CHD3: variants seen among roughly 807,000 people sequenced by gnomAD.
The protein encoded by CHD3 is chromodomain helicase DNA binding protein 3.
In CHD3, 52 loss-of-function variants were observed where a neutral mutation model predicts 248.9. The ratio of observed to expected loss-of-function variants is 0.21; its 90% CI spans 0.17 to 0.26. The LOEUF is 0.26. CHD3 is among the 10% of genes least tolerant of loss of function. CHD3 has a pLI of 1.00. For synonymous variants in CHD3, 985 were observed against 985.2 expected (o/e 1.00, Z 0.00); for missense variants, 1,482 against 2,605.8 (o/e 0.57, Z 9.39).
chr17:7,892,022 T>C (rs540122604), intron 4 of CHD3, among the ~76,000 whole-genome samples: 1 of 152,318 alleles, frequency 6.6e-6, no homozygotes, highest in African/African-American at 2.4e-5. Context: ...TCCTCTTCTA[T>C]AAACGGGGAA....
chr17:7,893,641 T>G, intron 5 of CHD3, 72 bp downstream of exon 5: 2 of 1,528,500 alleles, frequency 1.3e-6, no homozygotes, highest in Non-Finnish European at 1.8e-6. Context: ...AGTCTGGAAC[T>G]CTCGCCTTCC....
In CHD3 at chr17:7,909,127, A is replaced by C; in HGVS notation, c.5395-16A>C. The C allele has an allele frequency of 6.4e-7, 1 of 1,552,438 alleles. No individual in the cohort carries two copies. Among genetic ancestry groups the C allele is most frequent in the Non-Finnish European group, 8.7e-7 (1 of 1,148,534 alleles). ...TGGCAGAGCCCTACCTTCACCTCCC[A>C]ACTCTGTGCCCTCAGCTCCTGGAGC... On this transcript the variant is annotated splice_polypyrimidine_tract_variant and intron_variant, in intron 36 of 39. Transcript: ENST00000330494. The surrounding 1 kb of genome is among the most constrained non-coding windows in gnomAD (Gnocchi z 8.1).
rs1970561899 is a variant in CHD3 at position 7,903,606 on chromosome 17, G to A, written c.3727+103G>A. 5 of 1,098,444 alleles carry A rather than the reference G, an allele frequency of 4.6e-6. No individual in the cohort carries two copies. Among genetic ancestry groups the A allele is most frequent in the South Asian group, 1.6e-5 (1 of 63,872 alleles). 68.0% of individuals were successfully genotyped at this position (1,098,444 alleles called of 1,614,324 possible). A position where few individuals can be genotyped will look rare whatever the true frequency, so the allele number is the denominator to read the frequency against. Reference sequence around the variant, plus strand: ...AAAACAACTCTTCTCTGCAGCCTTTGAAGGAAGGAGAGCCTTCTTTTAGTA... The same window carrying A: ...AAAACAACTCTTCTCTGCAGCCTTTAAAGGAAGGAGAGCCTTCTTTTAGTA... On this transcript the variant is annotated intron_variant, in intron 23 of 39. Transcript: ENST00000330494. This position sits in a 1 kb window ranked among gnomAD's most constrained non-coding sequence, Gnocchi z 6.8.
chr17:7,890,865 A>G, intron 3 of CHD3, 75 bp from the exon 4 acceptor site: 3 of 1,599,492 alleles, frequency 1.9e-6, no homozygotes, highest in Non-Finnish European at 2.6e-6. Context: ...GCTAGTGGGT[A>G]GGTAGACAGG....
Position 7,895,425 on chromosome 17 carries a change from A to T in CHD3, c.1590A>T (p.Ala530=). Residue 530 remains alanine (A), a synonymous_variant, in exon 10 of 40, where the codon GCA becomes GCT. Transcript: ENST00000330494. This position sits in a 1 kb window ranked among gnomAD's most constrained non-coding sequence, Gnocchi z 4.9. The part of the protein sequence containing the change: ...PPVAVPAPQQ[A]DGNPDVPPPR... ...TAGCAGTGCCAGCCCCTCAACAGGCAGATGGAAATCCAGATGTCCCACCCC... is the reference window on the plus strand; with the variant it reads ...TAGCAGTGCCAGCCCCTCAACAGGCTGATGGAAATCCAGATGTCCCACCCC... The T allele has an allele frequency of 6.2e-7, 1 of 1,614,164 alleles. No individual in the cohort carries two copies. The highest frequency in any genetic ancestry group is 8.5e-7 in the Non-Finnish European group (1 of 1,180,020).
Position 7,906,436 on chromosome 17 carries a change from C to G in CHD3, c.4359-117C>G. 7 of 1,078,338 alleles carry G rather than the reference C, an allele frequency of 6.5e-6. No individual in the cohort carries two copies. Among genetic ancestry groups the G allele is most frequent in the Non-Finnish European group, 8.3e-6 (6 of 725,312 alleles). The allele number at this position is 1,078,338 out of a possible 1,614,324, so 66.8% of individuals were successfully genotyped here. A position where few individuals can be genotyped will look rare whatever the true frequency, so the allele number is the denominator to read the frequency against. On this transcript the variant is annotated intron_variant, in intron 28 of 39. Coordinates refer to ENST00000330494, the MANE Select transcript of CHD3 (RefSeq NM_001005273.3). The surrounding 1 kb of genome is among the most constrained non-coding windows in gnomAD (Gnocchi z 5.0). ...GAGTGAGAGGCCCAGGGGAGGAGCC[C>G]TGGAGCACCTGGGGATTTGGGGGTT...
At chr17:7,886,356 C>T (rs1357111322), upstream of CHD3, among the ~76,000 whole-genome samples, 2 of 152,222 alleles carry the variant, frequency 1.3e-5, no homozygotes, top group South Asian at 2.1e-4. This position sits in a 1 kb window ranked among gnomAD's most constrained non-coding sequence, Gnocchi z 4.2. Context: ...GTGTCCACAC[C>T]CCCTGCTTGG....
chr17:7,903,543 GCT>G lies in CHD3; in HGVS notation c.3727+46_3727+47del. The G allele has an allele frequency of 2.0e-6, 3 of 1,520,604 alleles. No individual in the cohort carries two copies. Among genetic ancestry groups the G allele is most frequent in the East Asian group, 2.3e-5 (1 of 42,566 alleles). 94.2% of individuals were successfully genotyped at this position (1,520,604 alleles called of 1,614,324 possible). ...TGCAGCTCTGTGAAAGCAGGCCCCT[GCT>G]CTCTCAGGAGTACTTATCAGCCCCC... On this transcript the variant is annotated intron_variant, in intron 23 of 39. Coordinates refer to ENST00000330494, the MANE Select transcript of CHD3 (RefSeq NM_001005273.3). This position sits in a 1 kb window ranked among gnomAD's most constrained non-coding sequence, Gnocchi z 6.8.
rs1447648825 is a variant in CHD3, at chr17:7,907,985, G to T, written c.5118G>T (p.Arg1706=). 6.2e-7 allele frequency: 1 copy of T among 1,610,776 alleles called. No individual in the cohort carries two copies. Among genetic ancestry groups the T allele is most frequent in the Non-Finnish European group, 8.5e-7 (1 of 1,177,492 alleles). Residue 1706 remains arginine, a synonymous_variant, in exon 34 of 40, where the codon CGG becomes CGT. Coordinates refer to ENST00000330494, the MANE Select transcript of CHD3 (RefSeq NM_001005273.3). The surrounding 1 kb of genome is among the most constrained non-coding windows in gnomAD (Gnocchi z 4.3). ...GRREEKTEKP[R]FMFNIADGGF... ...GAGAGGAAAAGACAGAGAAGCCCCG[G>T]TTCATGTTCAATATCGCCGATGGTG...
Position 7,908,821 on chromosome 17 carries a change from A to G in CHD3, c.5386A>G (p.Arg1796Gly). 6.2e-7 allele frequency: 1 copy of G among 1,614,076 alleles called. No homozygotes were observed. Among genetic ancestry groups the G allele is most frequent in the Non-Finnish European group, 8.5e-7 (1 of 1,179,990 alleles). The change falls in exon 36 of 40, where the codon AGG becomes GGG. Residue 1796 changes from arginine (R) to glycine (G), a missense_variant. By Grantham distance (125) the Arg-to-Gly change is moderately radical. Transcript: ENST00000330494. The surrounding 1 kb of genome is among the most constrained non-coding windows in gnomAD (Gnocchi z 5.8). ...LEMKNKFLAR[R>G]FKLLEQALVI... ...GATGAAAAATAAGTTCCTGGCCCGG[A>G]GGTTCAAGGTGGGAATGAGGGAGGA... is the stretch of plus-strand genomic sequence containing the variant.
chr17:7,903,536 G>C lies in CHD3; in HGVS notation c.3727+33G>C. The C allele has an allele frequency of 3.2e-6, 5 of 1,553,646 alleles. No individual in the cohort carries two copies. Among genetic ancestry groups the C allele is most frequent in the Non-Finnish European group, 4.4e-6 (5 of 1,134,952 alleles). On this transcript the variant is annotated intron_variant, in intron 23 of 39. Transcript: ENST00000330494. The surrounding 1 kb of genome is among the most constrained non-coding windows in gnomAD (Gnocchi z 6.8). ...CCTTTTCTGCAGCTCTGTGAAAGCAGGCCCCTGCTCTCTCAGGAGTACTTA... is the reference window on the plus strand; with the variant it reads ...CCTTTTCTGCAGCTCTGTGAAAGCACGCCCCTGCTCTCTCAGGAGTACTTA...
chr17:7,894,500 G>A lies in CHD3; in HGVS notation c.1161G>A (p.Gln387=). The A allele has an allele frequency of 6.2e-7, 1 of 1,614,174 alleles. No individual in the cohort carries two copies. Among genetic ancestry groups the A allele is most frequent in the Non-Finnish European group, 8.5e-7 (1 of 1,180,030 alleles). Residue 387 remains glutamine, a synonymous_variant, in exon 8 of 40, where the codon CAG becomes CAA. Coordinates refer to ENST00000330494, the MANE Select transcript of CHD3 (RefSeq NM_001005273.3). The stretch of plus-strand genomic sequence containing the variant: ...AGGATTACTGTGAGGTGTGCCAGCA[G>A]GGTGGGGAAATTATTCTGTGTGACA... ...DHQDYCEVCQ[Q]GGEIILCDTC... is the part of the protein sequence containing the mutation.
At position 7,905,131 on chromosome 17, in the gene CHD3, G is replaced by A. The variant is rs748424391; in HGVS notation, c.4104G>A (p.Glu1368=). ...DNQSEYSVGS[E]EEDEDFDERP... ...AGTCAGAGTACTCGGTGGGTTCAGA[G>A]GAGGAGGATGAAGACTTCGATGAAC... Residue 1368 remains glutamate (E), a synonymous_variant, in exon 26 of 40, where the codon GAG becomes GAA. Transcript: ENST00000330494. This position sits in a 1 kb window ranked among gnomAD's most constrained non-coding sequence, Gnocchi z 5.8. The A allele has an allele frequency of 1.2e-6, 2 of 1,614,118 alleles. No homozygotes were observed. Among genetic ancestry groups the A allele is most frequent in the Non-Finnish European group, 8.5e-7 (1 of 1,179,966 alleles).
Position 7,900,173 on chromosome 17 carries a change from T to G in CHD3, c.2683-117T>G. ...TTGGAAGAGGGAGAGGGCCAGAGAT[T>G]TGGGGCCTCTGATCCTGAGTGAAAT... On this transcript the variant is annotated intron_variant, in intron 16 of 39. Coordinates refer to ENST00000330494, the MANE Select transcript of CHD3 (RefSeq NM_001005273.3). The surrounding 1 kb of genome is among the most constrained non-coding windows in gnomAD (Gnocchi z 6.5). 6.5e-7 allele frequency: 1 copy of G among 1,538,356 alleles called. No individual in the cohort carries two copies. The highest frequency in any genetic ancestry group is 8.8e-7 in the Non-Finnish European group (1 of 1,131,228).
At position 7,900,756 on chromosome 17, in the gene CHD3, G is replaced by T; in HGVS notation, c.2978+25G>T. 1 of 1,610,392 alleles carries T rather than the reference G, an allele frequency of 6.2e-7. No individual in the cohort carries two copies. The highest frequency in any genetic ancestry group is 8.5e-7 in the Non-Finnish European group (1 of 1,176,790). ...AGTAAGATGCAAGACGAGCTGCCTG[G>T]AGTAGGGCTTGGGGATTGATGGGAG... On this transcript the variant is annotated intron_variant, in intron 18 of 39. Coordinates refer to ENST00000330494, the MANE Select transcript of CHD3 (RefSeq NM_001005273.3). The surrounding 1 kb of genome is among the most constrained non-coding windows in gnomAD (Gnocchi z 6.5).
Position 7,910,207 on chromosome 17 carries a change from CTCTG to C in CHD3, c.5591-217_5591-214del. 1.7e-6 allele frequency: 1 copy of C among 584,780 alleles called. No individual in the cohort carries two copies. Among genetic ancestry groups the C allele is most frequent in the South Asian group, 2.0e-5 (1 of 49,198 alleles). The allele number at this position is 584,780 out of a possible 1,614,324, so 36.2% of individuals were successfully genotyped here. A position where few individuals can be genotyped will look rare whatever the true frequency, so the allele number is the denominator to read the frequency against. ...TCTGTCTTCTGTGGTAATCTGGTCT[CTCTG>C]TCTCTTTTCCTGACACTTTTTCTTT... On this transcript the variant is annotated intron_variant, in intron 37 of 39. Transcript: ENST00000330494. This position sits in a 1 kb window ranked among gnomAD's most constrained non-coding sequence, Gnocchi z 4.7.
Position 7,895,756 on chromosome 17 carries a change from A to G in CHD3, c.1707+214A>G, listed in dbSNP as rs1969552621. ...CTCCGTTAGCTTCCTTCCCTCAGAT[A>G]TAGCATAGCCTTTCCTAACTTCATG... On this transcript the variant is annotated intron_variant, in intron 10 of 39. Coordinates refer to ENST00000330494, the MANE Select transcript of CHD3 (RefSeq NM_001005273.3). The surrounding 1 kb of genome is among the most constrained non-coding windows in gnomAD (Gnocchi z 4.9). Among the ~76,000 whole-genome samples, 2 of 152,256 alleles carry G rather than the reference A, an allele frequency of 1.3e-5. No individual in the cohort carries two copies. The highest frequency in any genetic ancestry group is 1.9e-4 in the East Asian group (1 of 5,174).
rs1968532189 is a variant in CHD3, at chr17:7,889,643, C to G, written c.101-21C>G. 6.3e-7 allele frequency: 1 copy of G among 1,599,636 alleles called. No individual in the cohort carries two copies. Among genetic ancestry groups the G allele is most frequent in the African/African-American group, 1.3e-5 (1 of 74,440 alleles). On this transcript the variant is annotated intron_variant, in intron 1 of 39. Coordinates refer to ENST00000330494, the MANE Select transcript of CHD3 (RefSeq NM_001005273.3). This position sits in a 1 kb window ranked among gnomAD's most constrained non-coding sequence, Gnocchi z 4.5. ...CTGGAAACCTAGAGGCTTAGGTTTT[C>G]TGATGCTTTTTGCTTCAAAGATAAG...
rs368619557 is a variant in CHD3 at position 7,906,821 on chromosome 17, T to C, written c.4504-48T>C. On this transcript the variant is annotated intron_variant, in intron 29 of 39. Transcript: ENST00000330494. This position sits in a 1 kb window ranked among gnomAD's most constrained non-coding sequence, Gnocchi z 5.0. ...ACGGAGGAGACTGGAGCTTCCTGTC[T>C]GTAAGCGCCTGGAGCTGACACCTAA... 2.0e-5 allele frequency: 32 copies of C among 1,608,800 alleles called. No individual in the cohort carries two copies. Among genetic ancestry groups the C allele is most frequent in the Non-Finnish European group, 2.5e-5 (30 of 1,176,844 alleles).
Sources: gnomAD v4.1 joint callset for allele counts (sites outside exome capture counted in the v4.1 genomes callset) on GRCh38, gnomAD v4.1.1 for gene constraint, Gnocchi (gnomAD v3.1) non-coding constraint, MANE v1.5 for transcripts, NCBI Gene and HGNC (gene_info 2026-07-23, HGNC 2026-07-21) for gene names.